ATAD3C: variants seen among roughly 807,000 people sequenced by gnomAD.
The protein encoded by ATAD3C is ATPase family AAA domain containing 3C.
In ATAD3C, 38 loss-of-function variants were observed where a neutral mutation model predicts 46.3. That is an observed-to-expected ratio of 0.82 (90% CI 0.63 to 1.08). ATAD3C has a LOEUF of 1.08. ATAD3C is among the 50% of genes least tolerant of loss of function. The pLI is 0.00. For synonymous variants in ATAD3C, 220 were observed against 236.4 expected (o/e 0.93, Z 0.63); for missense variants, 563 against 572.7 (o/e 0.98, Z 0.17).
chr1:1,468,870 C>A lies in ATAD3C; in HGVS notation c.*340C>A. On this transcript the variant is annotated 3_prime_UTR_variant, in exon 12 of 12. Coordinates refer to ENST00000378785, the MANE Select transcript of ATAD3C (RefSeq NM_001039211.3). ...TTCGCCTCCCTCCCCTCCGCCAGAG[C>A]TGCCTGTGGCCAGACACACGGTGGA... 3.2e-6 allele frequency: 1 copy of A among 312,434 alleles called. No homozygotes were observed. The highest frequency in any genetic ancestry group is 6.0e-6 in the Non-Finnish European group (1 of 165,416). The allele number at this position is 312,434 out of a possible 1,614,324, so 19.4% of individuals were successfully genotyped here. A position where few individuals can be genotyped will look rare whatever the true frequency, so the allele number is the denominator to read the frequency against.
chr1:1,468,257 C>A (rs1639176655), intron 11 of ATAD3C, 127 bp from the exon 12 acceptor site: 7 of 1,416,224 alleles, frequency 4.9e-6, no homozygotes, highest in Non-Finnish European at 5.6e-6. Context: ...GTGCGGGTAG[C>A]CTGTGTTTCA....
intron 9 of ATAD3C, among the ~76,000 whole-genome samples, chr1:1,460,433 CA>C (rs1639036420): frequency 6.6e-6 from 1 of 152,000 alleles, no homozygotes; most frequent in Admixed American, 6.6e-5. Flanking sequence ...CTGCTCCCAG[CA>C]CAGCGGGGCT....
At chr1:1,455,728 C>T in intron 5 of ATAD3C, 63 bp from the exon 6 acceptor site, 1 of 1,603,348 alleles carries the variant, frequency 6.2e-7, no homozygotes, top group South Asian at 1.1e-5. Context: ...TTCTCGCAGC[C>T]CCTGCCCCCG....
At chr1:1,464,008 C>A (rs1472388838) in intron 11 of ATAD3C, among the ~76,000 whole-genome samples, 1 of 151,252 alleles carries the variant, frequency 6.6e-6, no homozygotes, top group Non-Finnish European at 1.5e-5. Context: ...AGTTCGAGAC[C>A]AGCCTGGCCA....
intron 1 of ATAD3C, among the ~76,000 whole-genome samples, chr1:1,451,044 A>AT (rs755093409): frequency 0.023 from 3,353 of 143,066 alleles, 103 homozygotes; most frequent in African/African-American, 0.064. Flanking sequence ...ACTCAGCAGG[A>AT]TTTTTTTTTT....
Position 1,462,615 on chromosome 1 carries a change from C to A in ATAD3C, c.996C>A (p.Ala332=). ...ATEGKRRLKL[A]QFDYGRKCLE... ...CCTTCCCCAGGCGTCTGAAGCTGGC[C>A]CAGTTTGACTACGGGAGGAAGTGCT... Residue 332 remains alanine, a synonymous_variant, in exon 11 of 12, where the codon GCC becomes GCA. Coordinates refer to ENST00000378785, the MANE Select transcript of ATAD3C (RefSeq NM_001039211.3). This position sits in a 1 kb window ranked among gnomAD's most constrained non-coding sequence, Gnocchi z 4.5. The A allele has an allele frequency of 6.2e-7, 1 of 1,601,074 alleles. No individual in the cohort carries two copies. The highest frequency in any genetic ancestry group is 8.5e-7 in the Non-Finnish European group (1 of 1,174,474).
chr1:1,450,764 T>C lies in ATAD3C; in HGVS notation c.75+6T>C. The C allele has an allele frequency of 6.2e-7, 1 of 1,612,308 alleles. No individual in the cohort carries two copies. On this transcript the variant is annotated splice_donor_region_variant and intron_variant, in intron 1 of 11. Coordinates refer to ENST00000378785, the MANE Select transcript of ATAD3C (RefSeq NM_001039211.3). Reference sequence around the variant, plus strand: ...AGCAACAGTCCAAGCTCAAAGTGAGTGGGGCCGGTGTGGGCGGGGAGGCCG... The same window carrying C: ...AGCAACAGTCCAAGCTCAAAGTGAGCGGGGCCGGTGTGGGCGGGGAGGCCG...
chr1:1,460,362 T>C (rs1377694762), intron 9 of ATAD3C, among the ~76,000 whole-genome samples: 1 of 152,074 alleles, frequency 6.6e-6, no homozygotes, highest in African/African-American at 2.4e-5. Flanking sequence ...ATTATAGGCG[T>C]GAGCCACTGC....
At chr1:1,467,312 C>T (rs981934381) in intron 11 of ATAD3C, among the ~76,000 whole-genome samples, 14 of 152,046 alleles carry the variant, frequency 9.2e-5, no homozygotes, top group Non-Finnish European at 1.8e-4. Flanking sequence ...TTTGCCCTCT[C>T]TTGGGTGGGC....
chr1:1,463,835 C>T (rs1056826994), intron 11 of ATAD3C, among the ~76,000 whole-genome samples: 1 of 151,840 alleles, frequency 6.6e-6, no homozygotes, highest in Admixed American at 6.6e-5. Flanking sequence ...TCACTTGAGT[C>T]CAGGAGGCGG....
intron 7 of ATAD3C, 56 bp from the exon 8 acceptor site, chr1:1,457,073 C>T: frequency 1.2e-6 from 2 of 1,609,360 alleles, no homozygotes; most frequent in Non-Finnish European, 1.7e-6. Flanking sequence ...CCGGACGCCG[C>T]TGTGGGCTGC....
Position 1,457,047 on chromosome 1 carries a change from C to A in ATAD3C, c.690-82C>A, listed in dbSNP as rs892773784. The stretch of plus-strand genomic sequence containing the variant: ...ACCCCGTGGGGATCTGCCTGCTTGG[C>A]CTGCTCCTGCCATGGCCGGACGCCG... On this transcript the variant is annotated intron_variant, in intron 7 of 11. Transcript: ENST00000378785. 2.4e-4 allele frequency: 378 copies of A among 1,590,006 alleles called. 5 individuals carry two copies. Among genetic ancestry groups the A allele is most frequent in the Non-Finnish European group, 3.2e-4 (371 of 1,160,774 alleles).
At chr1:1,464,155 C>T (rs899441140) in intron 11 of ATAD3C, among the ~76,000 whole-genome samples, 5 of 147,424 alleles carry the variant, frequency 3.4e-5, no homozygotes, top group African/African-American at 1.3e-4. Context: ...TGTGGTGAGC[C>T]GAGATCGTGC....
chr1:1,451,952 C>T lies in ATAD3C; in HGVS notation c.76-94C>T, dbSNP rs541398798. The T allele has an allele frequency of 1.7e-3, 2,675 of 1,535,502 alleles. 53 individuals are homozygous for T. In the African/African-American group the frequency reaches 0.032, roughly 18 times the overall value. ...CCCCAGGTGCCCGGGACGCTTGGAG[C>T]CCTGCGGTCCTGGGGCGGACGCAAC... On this transcript the variant is annotated intron_variant, in intron 1 of 11. Transcript: ENST00000378785.
intron 4 of ATAD3C, 33 bp downstream of exon 4, chr1:1,454,533 A>C (rs756615055): frequency 6.3e-7 from 1 of 1,583,826 alleles, no homozygotes; most frequent in East Asian, 2.3e-5. Context: ...CCCTGAGTGC[A>C]AGTGCCTGGC....
chr1:1,455,370 G>T, intron 4 of ATAD3C, 90 bp from the exon 5 acceptor site: 1 of 1,537,898 alleles, frequency 6.5e-7, no homozygotes, highest in Non-Finnish European at 8.8e-7. Flanking sequence ...GGGCAGCTCC[G>T]TTTCTGCGTG....
rs1385040484 is a variant in ATAD3C, at chr1:1,466,263, AATG to A, written c.1090-2120_1090-2118del. ...GTCTCAAAAAAAAAAAAAAAAAAAA[AATG>A]GCTGGGCGCGGTGGCTCACGCCTGT... On this transcript the variant is annotated intron_variant, in intron 11 of 11. Coordinates refer to ENST00000378785, the MANE Select transcript of ATAD3C (RefSeq NM_001039211.3). 2.0e-5 allele frequency among the ~76,000 whole-genome samples: 3 copies of A among 150,870 alleles called. No homozygotes were observed. The East Asian group carries it at 5.8e-4, about 29-fold the overall frequency.
At chr1:1,460,035 C>T (rs1158123250) in intron 9 of ATAD3C, among the ~76,000 whole-genome samples, 1 of 151,530 alleles carries the variant, frequency 6.6e-6, no homozygotes, top group Non-Finnish European at 1.5e-5. Flanking sequence ...TGAACCCGGG[C>T]CCCCGAGGTC....
At chr1:1,460,327 C>T (rs1022875581) in intron 9 of ATAD3C, among the ~76,000 whole-genome samples, 14 of 152,050 alleles carry the variant, frequency 9.2e-5, no homozygotes, top group African/African-American at 2.4e-4. Context: ...GTGACCCACC[C>T]GCCTCGGCCT....
Sources: allele counts gnomAD v4.1 joint callset (sites outside exome capture counted in the v4.1 genomes callset), GRCh38; gene constraint gnomAD v4.1.1; non-coding constraint Gnocchi (gnomAD v3.1); transcripts MANE v1.5; gene names NCBI Gene and HGNC (gene_info 2026-07-23, HGNC 2026-07-21).